ACTN1: variants seen among roughly 807,000 people sequenced by gnomAD.
ACTN1 encodes the protein alpha-actinin-1.
Under a neutral mutation model 119.6 loss-of-function variants are expected in ACTN1, and 30 were observed. That is an observed-to-expected ratio of 0.25 (90% confidence interval 0.19 to 0.34). The LOEUF is 0.34. Ranked by LOEUF, ACTN1 falls within the 10% of genes least tolerant of loss-of-function variation. The probability of loss-of-function intolerance (pLI) is 1.00; values close to 1 mark genes in which losing one functional copy is unlikely to be tolerated. For synonymous variants in ACTN1, 429 were observed against 472.6 expected, an observed-to-expected ratio of 0.91 and a Z score of 1.20; for missense variants, 764 against 1,223.4, an observed-to-expected ratio of 0.62 and a Z score of 5.60.
chr14:68,900,635 C>T (rs978213663), intron 8 of ACTN1, among the ~76,000 whole-genome samples: 14 of 151,998 alleles, frequency 9.2e-5, no homozygotes, highest in Admixed American at 8.5e-4. Context: ...TTGTGGTATC[C>T]GCTATGCCCA....
Position 68,925,728 on chromosome 14 carries a change from G to A in ACTN1, c.106-56C>T, listed in dbSNP as rs3742897. 235,626 of 1,440,348 alleles carry A rather than the reference G, an allele frequency of 0.16. 20,629 individuals are homozygous for A. The highest frequency in any genetic ancestry group is 0.21 in the South Asian group (17,652 of 82,870). The allele number at this position is 1,440,348 out of a possible 1,614,324, so 89.2% of individuals were successfully genotyped here. ...GGGGGCTGGTGTTGTCACCCTCATTGGACAAGCCATTTAATGGTGCCAGGG... is the reference window on the plus strand; with the variant it reads ...GGGGGCTGGTGTTGTCACCCTCATTAGACAAGCCATTTAATGGTGCCAGGG... On this transcript the variant is annotated intron_variant, in intron 1 of 21. Coordinates refer to ENST00000394419, the MANE Select transcript of ACTN1 (RefSeq NM_001130004.2). The surrounding 1 kb of genome is among the most constrained non-coding windows in gnomAD (Gnocchi z 4.3).
intron 1 of ACTN1, among the ~76,000 whole-genome samples, chr14:68,961,560 G>A (rs1401903016): frequency 3.9e-5 from 6 of 152,204 alleles, no homozygotes; most frequent in African/African-American, 9.7e-5. Context: ...CACAGGGCGC[G>A]GGGGCACGGG....
intron 3 of ACTN1, among the ~76,000 whole-genome samples, chr14:68,917,278 C>T (rs953275110): frequency 2.0e-5 from 3 of 152,214 alleles, no homozygotes; most frequent in Non-Finnish European, 2.9e-5. Context: ...GAACTCATAA[C>T]CCTCCCAGAG....
chr14:68,912,137 G>A lies in ACTN1; in HGVS notation c.427+19C>T, dbSNP rs763466813. ...GAGACGAGATGGTGATGGCGGGATG[G>A]AACAAAGCAGAAACCCACCTTCCAC... On this transcript the variant is annotated intron_variant, in intron 4 of 21. Transcript: ENST00000394419. The A allele has an allele frequency of 9.9e-6, 16 of 1,612,302 alleles. No individual in the cohort carries two copies. In the East Asian group the frequency reaches 3.1e-4, roughly 31 times the overall value.
intron 21 of ACTN1, among the ~76,000 whole-genome samples, chr14:68,876,641 C>A (rs1296147966): frequency 6.6e-6 from 1 of 152,194 alleles, no homozygotes; most frequent in Non-Finnish European, 1.5e-5. Flanking sequence ...GAGTAGATCA[C>A]TGCTCAGGGT....
intron 1 of ACTN1, among the ~76,000 whole-genome samples, chr14:68,954,014 A>G (rs2036265088): frequency 6.6e-6 from 1 of 152,176 alleles, no homozygotes; most frequent in African/African-American, 2.4e-5. Flanking sequence ...TGAATCCTCT[A>G]GCCTTAACAT....
chr14:68,889,143 C>G (rs2032272931), intron 11 of ACTN1, among the ~76,000 whole-genome samples: 1 of 152,186 alleles, frequency 6.6e-6, no homozygotes, highest in African/African-American at 2.4e-5. Context: ...CAGCCCTGGT[C>G]CAGGTTCTGG....
Position 68,882,634 on chromosome 14 carries a change from C to T in ACTN1, c.1819-42G>A. Reference sequence around the variant, plus strand: ...AAGGCGACTTTCAGGATGGGTCAGCCATCTGTCCATGTGCCAGATGAGGAA... The same window carrying T: ...AAGGCGACTTTCAGGATGGGTCAGCTATCTGTCCATGTGCCAGATGAGGAA... On this transcript the variant is annotated intron_variant, in intron 15 of 21. Transcript: ENST00000394419. The surrounding 1 kb of genome is among the most constrained non-coding windows in gnomAD (Gnocchi z 4.5). 2 of 1,611,214 alleles carry T rather than the reference C, an allele frequency of 1.2e-6. No homozygotes were observed. Among genetic ancestry groups the T allele is most frequent in the Non-Finnish European group, 1.7e-6 (2 of 1,178,126 alleles).
intron 9 of ACTN1, among the ~76,000 whole-genome samples, chr14:68,893,232 C>T (rs1323796938): frequency 1.3e-5 from 2 of 152,180 alleles, no homozygotes; most frequent in Admixed American, 6.5e-5. Context: ...ACAGCCGCTA[C>T]TTTTGGTAGC....
intron 21 of ACTN1, among the ~76,000 whole-genome samples, chr14:68,876,185 A>G (rs2030872481): frequency 6.6e-6 from 1 of 152,122 alleles, no homozygotes; most frequent in East Asian, 1.9e-4. Flanking sequence ...TTTAGTAGAG[A>G]CAAGGTTTTC....
rs574413348 is a variant in ACTN1 at position 68,961,076 on chromosome 14, G to A, written c.105+17876C>T. Among the ~76,000 whole-genome samples, 255 of 152,064 alleles carry A rather than the reference G, an allele frequency of 1.7e-3. 2 individuals carry two copies. Among genetic ancestry groups the A allele is most frequent in the Non-Finnish European group, 2.9e-3 (198 of 68,002 alleles). On this transcript the variant is annotated intron_variant, in intron 1 of 21. Coordinates refer to ENST00000394419, the MANE Select transcript of ACTN1 (RefSeq NM_001130004.2). The stretch of plus-strand genomic sequence containing the variant: ...CAGAGTGAGACCCTGTCTCTAAAAC[G>A]AAATAACAAAAAACCCTGTTATACA...
intron 13 of ACTN1, 151 bp downstream of exon 13, chr14:68,884,624 C>A: frequency 1.4e-6 from 1 of 726,728 alleles, no homozygotes; most frequent in East Asian, 2.7e-5. Context: ...AATCCTGTGC[C>A]AAAGTGAATC....
At chr14:68,972,779 G>A (rs992453894) in intron 1 of ACTN1, among the ~76,000 whole-genome samples, 8 of 152,256 alleles carry the variant, frequency 5.3e-5, no homozygotes, top group African/African-American at 1.9e-4. Flanking sequence ...CGTGGGCCTG[G>A]AGGAGTTCCG....
Position 68,910,152 on chromosome 14 carries a change from C to A in ACTN1, c.428-110G>T, listed in dbSNP as rs1253756160. 4 of 767,982 alleles carry A rather than the reference C, an allele frequency of 5.2e-6. No homozygotes were observed. In the South Asian group the frequency reaches 6.8e-5, roughly 13 times the overall value. The allele number at this position is 767,982 out of a possible 1,614,324, so 47.6% of individuals were successfully genotyped here. A position where few individuals can be genotyped will look rare whatever the true frequency, so the allele number is the denominator to read the frequency against. On this transcript the variant is annotated intron_variant, in intron 4 of 21. Coordinates refer to ENST00000394419, the MANE Select transcript of ACTN1 (RefSeq NM_001130004.2). ...CCCTTTGATGCCAACCCTGCAGCTACTGAAGGAGGAGCCCTGGCCATCAAG... is the reference window on the plus strand; with the variant it reads ...CCCTTTGATGCCAACCCTGCAGCTAATGAAGGAGGAGCCCTGGCCATCAAG...
At chr14:68,915,578 CTGAGTGAACGAA>C (rs1945263930) in intron 3 of ACTN1, among the ~76,000 whole-genome samples, 1 of 152,260 alleles carries the variant, frequency 6.6e-6, no homozygotes, top group South Asian at 2.1e-4. Flanking sequence ...TCAGCATCTG[CTGAGTGAACGAA>C]TGAGTGAACA....
At chr14:68,937,891 G>T (rs1438857018) in intron 1 of ACTN1, among the ~76,000 whole-genome samples, 2 of 152,218 alleles carry the variant, frequency 1.3e-5, no homozygotes, top group Non-Finnish European at 2.9e-5. Flanking sequence ...AGAAGGCCAG[G>T]CCAGCACCTG....
chr14:68,895,657 T>C (rs547506441), intron 8 of ACTN1, among the ~76,000 whole-genome samples: 7 of 152,204 alleles, frequency 4.6e-5, no homozygotes, highest in Non-Finnish European at 1.0e-4. Flanking sequence ...CAGCTACTCA[T>C]AACTGGCACG....
rs975611445 is a variant in ACTN1, at chr14:68,880,721, G to A, written c.2133+89C>T. 7.3e-5 allele frequency: 100 copies of A among 1,372,508 alleles called. No homozygotes were observed. The highest frequency in any genetic ancestry group is 9.9e-5 in the Non-Finnish European group (98 of 986,354). The allele number at this position is 1,372,508 out of a possible 1,614,324, so 85.0% of individuals were successfully genotyped here. A position where few individuals can be genotyped will look rare whatever the true frequency, so the allele number is the denominator to read the frequency against. ...TGAAGTTAATTTATCCTCCAACTAT[G>A]ACCTGTTCCCTTGGAGACTTCCCCA... On this transcript the variant is annotated intron_variant, in intron 17 of 21. Transcript: ENST00000394419. This position sits in a 1 kb window ranked among gnomAD's most constrained non-coding sequence, Gnocchi z 4.6.
chr14:68,884,413 C>G lies in ACTN1; in HGVS notation c.1495-105G>C. ...AGCCCCAGGTCTAGAAGCACTGACT[C>G]AATCAGGCAGAAAGAACAAGCTCTT... On this transcript the variant is annotated intron_variant, in intron 13 of 21. Transcript: ENST00000394419. 3.0e-6 allele frequency: 4 copies of G among 1,341,962 alleles called. No individual in the cohort carries two copies. The South Asian group carries it at 5.7e-5, about 19-fold the overall frequency. The allele number at this position is 1,341,962 out of a possible 1,614,324, so 83.1% of individuals were successfully genotyped here. A position where few individuals can be genotyped will look rare whatever the true frequency, so the allele number is the denominator to read the frequency against.
Sources: allele counts gnomAD v4.1 joint callset (sites outside exome capture counted in the v4.1 genomes callset), GRCh38; gene constraint gnomAD v4.1.1; non-coding constraint Gnocchi (gnomAD v3.1); transcripts MANE v1.5; gene names NCBI Gene and HGNC (gene_info 2026-07-23, HGNC 2026-07-21).